The following PGM5 variants were observed in gnomAD, a reference collection of about 807,000 sequenced individuals.
The protein encoded by PGM5 is phosphoglucomutase 5, also known as phosphoglucomutase-like protein 5.
PGM5 carries 23 observed loss-of-function variants against 59.2 expected under a neutral mutation model. That is an observed-to-expected ratio of 0.39 (90% CI 0.28 to 0.55). PGM5 has a LOEUF of 0.55. Ranked by LOEUF, PGM5 falls within the 20% of genes least tolerant of loss-of-function variation. The pLI, the probability that PGM5 is intolerant of heterozygous loss-of-function variation, is 0.66. For missense variants in PGM5, 574 were observed against 748.3 expected (o/e 0.77, Z 2.72); for synonymous variants, 214 against 286.0 (o/e 0.75, Z 2.54).
At position 68,429,596 on chromosome 9, in the gene PGM5, G is replaced by C. The variant is rs543016904; in HGVS notation, c.1044-35497G>C. 1.1e-4 allele frequency among the ~76,000 whole-genome samples: 13 copies of C among 121,264 alleles called. No individual in the cohort carries two copies. The South Asian group carries it at 3.9e-3, about 36-fold the overall frequency. 79.6% of individuals were successfully genotyped at this position (121,264 alleles called of 152,430 possible). ...ACCATGGTCTTTGTCAATGTTTTTG[G>C]AAGCTAAATGAAATAAATATGTTTT... On this transcript the variant is annotated intron_variant, in intron 6 of 10. Coordinates refer to ENST00000396396, the MANE Select transcript of PGM5 (RefSeq NM_021965.4).
rs1554687405 is a variant in PGM5, at chr9:68,484,554, AC to A, written c.1479+507del. Among the ~76,000 whole-genome samples the A allele has an allele frequency of 7.8e-4, 117 of 149,440 alleles. 1 individual carries two copies. Among genetic ancestry groups the A allele is most frequent in the Middle Eastern group, 3.2e-3 (1 of 314 alleles). On this transcript the variant is annotated intron_variant, in intron 9 of 10. Transcript: ENST00000396396. ...GACCATGTCTCAAACACACACACAC[AC>A]ACACACACACACACACACACACAAA...
intron 1 of PGM5, among the ~76,000 whole-genome samples, chr9:68,360,182 T>C (rs1227402251): frequency 2.6e-5 from 4 of 152,138 alleles, no homozygotes; most frequent in Non-Finnish European, 1.5e-5. Context: ...GATTATGTAA[T>C]TGCTGGAGAA....
At chr9:68,409,111 A>G (rs1822875910) in intron 6 of PGM5, among the ~76,000 whole-genome samples, 1 of 152,010 alleles carries the variant, frequency 6.6e-6, no homozygotes, top group African/African-American at 2.4e-5. Context: ...GCAGCCAAAA[A>G]ACACATGAAA....
intron 1 of PGM5, among the ~76,000 whole-genome samples, chr9:68,377,914 C>T (rs1265182815): frequency 2.6e-5 from 4 of 152,058 alleles, no homozygotes; most frequent in South Asian, 2.1e-4. Flanking sequence ...GCTAACCCCT[C>T]GATTATCAGA....
chr9:68,519,662 T>G (rs201979720), intron 10 of PGM5, among the ~76,000 whole-genome samples: 7 of 140,852 alleles, frequency 5.0e-5, no homozygotes, highest in East Asian at 2.1e-4. Context: ...AAAAAAAAAT[T>G]AAAAAAAAAA....
intron 1 of PGM5, among the ~76,000 whole-genome samples, chr9:68,360,983 A>G (rs1554676238): frequency 6.6e-6 from 1 of 152,210 alleles, no homozygotes; most frequent in East Asian, 1.9e-4. Flanking sequence ...CAGTGAAACA[A>G]TCATAGCTCA....
In PGM5 at chr9:68,499,236, A is replaced by T. The variant is rs1243509818; in HGVS notation, c.1489A>T (p.Ile497Phe). The change falls in exon 10 of 11, where the codon ATC becomes TTC. Residue 497 changes from isoleucine (I) to phenylalanine (F), a missense_variant. Around this residue, in one of 7 missense-constraint regions of PGM5, gnomAD observed 300 missense variants for 280.0 expected, o/e 1.07. Coordinates refer to ENST00000396396, the MANE Select transcript of PGM5 (RefSeq NM_021965.4). ...GTVTKKQGLR[I>F]IFSDASRLIF... ...ATGTTCTTGGTCTCAGGGCCTAAGG[A>T]TCATTTTCTCGGATGCATCACGGCT... 7.4e-6 allele frequency: 12 copies of T among 1,613,974 alleles called. No individual in the cohort carries two copies. The Admixed American group carries it at 2.0e-4, about 27-fold the overall frequency.
At chr9:68,422,031 ACTAT>A (rs1823139124) in intron 6 of PGM5, among the ~76,000 whole-genome samples, 1 of 152,084 alleles carries the variant, frequency 6.6e-6, no homozygotes, top group Non-Finnish European at 1.5e-5. Flanking sequence ...ATTTTAAATA[ACTAT>A]CATAAATATT....
intron 1 of PGM5, among the ~76,000 whole-genome samples, chr9:68,375,920 A>G (rs1821869262): frequency 6.6e-6 from 1 of 152,212 alleles, no homozygotes; most frequent in Non-Finnish European, 1.5e-5. Flanking sequence ...AAGAAAATGC[A>G]AGGGCCCTGA....
At chr9:68,505,340 A>G (rs1824637588) in intron 10 of PGM5, among the ~76,000 whole-genome samples, 1 of 152,136 alleles carries the variant, frequency 6.6e-6, no homozygotes, top group Non-Finnish European at 1.5e-5. Context: ...CCCTGACACC[A>G]ACTGGGTGCA....
chr9:68,506,473 T>G (rs1248815273), intron 10 of PGM5, among the ~76,000 whole-genome samples: 1 of 152,226 alleles, frequency 6.6e-6, no homozygotes, highest in East Asian at 1.9e-4. Context: ...GTTAAACTCT[T>G]AAGTTTAATT....
At chr9:68,420,778 C>T (rs559108710) in intron 6 of PGM5, among the ~76,000 whole-genome samples, 3 of 152,262 alleles carry the variant, frequency 2.0e-5, no homozygotes, top group East Asian at 3.9e-4. Flanking sequence ...GGATGTCATA[C>T]CTGACTCTTT....
intron 8 of PGM5, among the ~76,000 whole-genome samples, chr9:68,480,947 G>T (rs1254161721): frequency 3.3e-5 from 5 of 152,208 alleles, no homozygotes; most frequent in African/African-American, 9.6e-5. Context: ...CATGGGTTAG[G>T]AGGAGGGAGT....
chr9:68,421,145 T>G (rs782418533), intron 6 of PGM5, among the ~76,000 whole-genome samples: 3 of 152,194 alleles, frequency 2.0e-5, no homozygotes, highest in Non-Finnish European at 2.9e-5. Context: ...AGACGAGGTG[T>G]GTACTGATCA....
chr9:68,432,366 A>C (rs1823368134), intron 6 of PGM5, among the ~76,000 whole-genome samples: 1 of 151,800 alleles, frequency 6.6e-6, no homozygotes, highest in Non-Finnish European at 1.5e-5. Context: ...ACACCCAGCA[A>C]ATTTTTGTAT....
intron 10 of PGM5, among the ~76,000 whole-genome samples, chr9:68,514,701 C>G (rs1446628524): frequency 2.0e-5 from 3 of 152,186 alleles, no homozygotes; most frequent in Non-Finnish European, 4.4e-5. Context: ...CTTATTTCCA[C>G]CTCTGCTTAG....
chr9:68,485,216 C>A (rs1238520552), intron 9 of PGM5, among the ~76,000 whole-genome samples: 3 of 152,162 alleles, frequency 2.0e-5, no homozygotes, highest in Admixed American at 2.0e-4. Context: ...CACATCAGGC[C>A]AGTTCTGCAA....
chr9:68,382,353 C>T (rs1440452156), intron 2 of PGM5, among the ~76,000 whole-genome samples: 1 of 151,576 alleles, frequency 6.6e-6, no homozygotes, highest in South Asian at 2.1e-4. Flanking sequence ...TTACACTATA[C>T]ACAGAAATAA....
At chr9:68,449,847 T>C (rs1302936672) in intron 6 of PGM5, among the ~76,000 whole-genome samples, 2 of 152,230 alleles carry the variant, frequency 1.3e-5, no homozygotes, top group East Asian at 3.8e-4. Context: ...GCAGAATTAA[T>C]AGTGTAAGAG....
Sources: allele counts gnomAD v4.1 joint callset (sites outside exome capture counted in the v4.1 genomes callset), GRCh38; gene constraint gnomAD v4.1.1; regional missense constraint gnomAD v4.1.1; transcripts MANE v1.5; gene names NCBI Gene and HGNC (gene_info 2026-07-23, HGNC 2026-07-21).